Variants in RRM1 observed in about 807,000 individuals in gnomAD.
The protein encoded by RRM1 is ribonucleotide reductase catalytic subunit M1, also known as ribonucleoside-diphosphate reductase large subunit.
Under a neutral mutation model 101.5 loss-of-function variants are expected in RRM1, and 19 were observed. The ratio of observed to expected loss-of-function variants is 0.19; its 90% confidence interval spans 0.13 to 0.27. RRM1 has a LOEUF of 0.27. Ranked by LOEUF, RRM1 falls within the 10% of genes least tolerant of loss-of-function variation. The pLI, the probability that RRM1 is intolerant of heterozygous loss-of-function variation, is 1.00. For synonymous variants in RRM1, 298 were observed against 323.4 expected (o/e 0.92, Z 0.84); for missense variants, 500 against 962.9 (o/e 0.52, Z 6.36).
At chr11:4,099,295 A>ATTTTTTTTTATT (rs2094547604) in intron 1 of RRM1, 1 of 76,974 alleles carries the variant, frequency 1.3e-5, no homozygotes, top group African/African-American at 5.8e-5. Context: ...TACCCAGCTA[A>ATTTTTTTTTATT]TTTTTTTTTT....
chr11:4,098,445 A>C (rs1256119733), intron 1 of RRM1, among the ~76,000 whole-genome samples: 1 of 39,624 alleles, frequency 2.5e-5, no homozygotes, highest in African/African-American at 5.4e-5. Flanking sequence ...TTCCTATTCC[A>C]TTCACAGCCT....
At chr11:4,133,375 A>G (rs2094603599) in intron 16 of RRM1, among the ~76,000 whole-genome samples, 188 bp from the exon 17 acceptor site, 1 of 152,158 alleles carries the variant, frequency 6.6e-6, no homozygotes, top group South Asian at 2.1e-4. Context: ...AACAGATGTC[A>G]AGATCTTAAA....
chr11:4,124,527 C>T (rs906174337), intron 12 of RRM1, among the ~76,000 whole-genome samples: 2 of 152,114 alleles, frequency 1.3e-5, no homozygotes, highest in Non-Finnish European at 2.9e-5. Context: ...ATATGCTGCC[C>T]TCTGGAAACT....
chr11:4,105,148 G>A (rs2094556585), intron 2 of RRM1, among the ~76,000 whole-genome samples: 1 of 152,058 alleles, frequency 6.6e-6, no homozygotes, highest in Non-Finnish European at 1.5e-5. Flanking sequence ...TTTTCTGATA[G>A]TTCTGCTGGA....
At position 4,132,184 on chromosome 11, in the gene RRM1, A is replaced by G. The variant is rs951478110; in HGVS notation, c.1770-102A>G. 8 of 1,171,586 alleles carry G rather than the reference A, an allele frequency of 6.8e-6. No individual in the cohort carries two copies. The Admixed American group carries it at 1.5e-4, about 23-fold the overall frequency. The allele number at this position is 1,171,586 out of a possible 1,614,324, so 72.6% of individuals were successfully genotyped here. On this transcript the variant is annotated intron_variant, in intron 15 of 18. Transcript: ENST00000300738. The surrounding 1 kb of genome is among the most constrained non-coding windows in gnomAD (Gnocchi z 4.1). ...AATGCATGTACGATGTTACATTTAC[A>G]TTTACTACATTTATCTACATTTACT...
rs369843383 is a variant in RRM1, at chr11:4,110,519, G to T, written c.447+816G>T. Among the ~76,000 whole-genome samples the T allele has an allele frequency of 1.6e-4, 24 of 152,236 alleles. No individual in the cohort carries two copies. The South Asian group carries it at 3.3e-3, about 21-fold the overall frequency. On this transcript the variant is annotated intron_variant, in intron 5 of 18. Coordinates refer to ENST00000300738, the MANE Select transcript of RRM1 (RefSeq NM_001033.5). Reference sequence around the variant, plus strand: ...ATGGTGGCTTACGCCTGTAATCCCAGCACTTTAGGAAGCCGAGGCGGGCTG... The same window carrying T: ...ATGGTGGCTTACGCCTGTAATCCCATCACTTTAGGAAGCCGAGGCGGGCTG...
chr11:4,107,291 T>C (rs2094559611), intron 3 of RRM1, 144 bp from the exon 4 acceptor site: 1 of 601,588 alleles, frequency 1.7e-6, no homozygotes, highest in South Asian at 2.1e-5. Flanking sequence ...ATATATGTGT[T>C]TATTGAGCAC....
intron 7 of RRM1, among the ~76,000 whole-genome samples, chr11:4,117,252 G>A (rs139062014): frequency 5.1e-4 from 78 of 152,282 alleles, no homozygotes; most frequent in African/African-American, 1.8e-3. Context: ...AAAGTGAAAC[G>A]TGTATATCTT....
intron 5 of RRM1, 24 bp from the exon 6 acceptor site, chr11:4,111,577 T>A: frequency 2.5e-6 from 4 of 1,580,424 alleles, no homozygotes; most frequent in Non-Finnish European, 3.4e-6. Flanking sequence ...CTCTGAAAAT[T>A]TTTTGTTGTT....
chr11:4,126,124 T>C (rs2094589064), intron 12 of RRM1, among the ~76,000 whole-genome samples: 1 of 152,184 alleles, frequency 6.6e-6, no homozygotes, highest in South Asian at 2.1e-4. Context: ...GAAGAGCTTT[T>C]TCAGAAATCA....
At position 4,132,347 on chromosome 11, in the gene RRM1, C is replaced by G; in HGVS notation, c.1831C>G (p.Leu611Val). 1 of 1,614,050 alleles carries G rather than the reference C, an allele frequency of 6.2e-7. No individual in the cohort carries two copies. The highest frequency in any genetic ancestry group is 8.5e-7 in the Non-Finnish European group (1 of 1,179,964). The stretch of plus-strand genomic sequence containing the variant: ...GCCTACAGCTTCCACTGCTCAGATC[C>G]TGGGGAATAATGAGTCCATTGAACC... ...PMPTASTAQI[L>V]GNNESIEPYT... The change falls in exon 16 of 19, where the codon CTG becomes GTG. Residue 611 changes from leucine to valine, a missense_variant. Physicochemically the swap from Leu to Val is conservative, Grantham distance 32. This residue lies in a region of RRM1 where 79 missense variants were observed against 176.4 expected (regional missense o/e 0.45). Transcript: ENST00000300738. This position sits in a 1 kb window ranked among gnomAD's most constrained non-coding sequence, Gnocchi z 4.1.
intron 18 of RRM1, among the ~76,000 whole-genome samples, chr11:4,135,621 T>C (rs10742242): frequency 0.4 from 61,069 of 151,840 alleles, 12,747 homozygotes; most frequent in African/African-American, 0.52. Context: ...ACTGACCTTA[T>C]TGCTTCTAGG....
chr11:4,108,546 C>T (rs1471131130), intron 4 of RRM1, among the ~76,000 whole-genome samples: 4 of 130,944 alleles, frequency 3.1e-5, no homozygotes, highest in African/African-American at 8.5e-5. Context: ...TGCAGTGAGC[C>T]GAGATTGGGC....
At chr11:4,118,234 T>TTG in intron 7 of RRM1, 86 bp from the exon 8 acceptor site, 1 of 1,133,758 alleles carries the variant, frequency 8.8e-7, no homozygotes. Flanking sequence ...TTTTTTTTTT[T>TTG]GCCTTAGTGT....
At position 4,121,588 on chromosome 11, in the gene RRM1, A is replaced by G. The variant is rs747753014; in HGVS notation, c.877-16A>G. The G allele has an allele frequency of 1.3e-6, 2 of 1,587,144 alleles. No individual in the cohort carries two copies. The highest frequency in any genetic ancestry group is 4.5e-5 in the East Asian group (2 of 44,558). The stretch of plus-strand genomic sequence containing the variant: ...CATTTTTATTCTGAAGAGAATTATG[A>G]TTTATTTACCACTAGCGTCCTGGGG... On this transcript the variant is annotated splice_polypyrimidine_tract_variant and intron_variant, in intron 9 of 18. Transcript: ENST00000300738.
chr11:4,127,336 A>G lies in RRM1; in HGVS notation c.1692+80A>G, dbSNP rs1326414606. 6.2e-6 allele frequency: 5 copies of G among 800,612 alleles called. No homozygotes were observed. The Admixed American group carries it at 1.2e-4, about 20-fold the overall frequency. 49.6% of individuals were successfully genotyped at this position (800,612 alleles called of 1,614,324 possible). A position where few individuals can be genotyped will look rare whatever the true frequency, so the allele number is the denominator to read the frequency against. On this transcript the variant is annotated intron_variant, in intron 14 of 18. Transcript: ENST00000300738. ...GGTGACCCCACAAAAGGATATGTCC[A>G]CATCCTAATTCCTGGAACCTGTGAA...
At chr11:4,094,750 C>A (rs1590706358), upstream of RRM1, 3 of 572,998 alleles carry the variant, frequency 5.2e-6, no homozygotes, top group East Asian at 5.7e-5. Flanking sequence ...GAAGCCTACC[C>A]CGGGCGTGGG....
intron 12 of RRM1, among the ~76,000 whole-genome samples, chr11:4,125,819 G>T (rs867921281): frequency 6.6e-6 from 1 of 152,010 alleles, no homozygotes; most frequent in Non-Finnish European, 1.5e-5. Context: ...GCATTTATTA[G>T]ACTTCTGTGA....
At chr11:4,131,218 C>G (rs375631705) in intron 15 of RRM1, among the ~76,000 whole-genome samples, 1 of 152,112 alleles carries the variant, frequency 6.6e-6, no homozygotes, top group African/African-American at 2.4e-5. Flanking sequence ...GAGAAAAGCC[C>G]CTTATAAAAC....
Sources: allele counts gnomAD v4.1 joint callset (sites outside exome capture counted in the v4.1 genomes callset), GRCh38; gene constraint gnomAD v4.1.1; regional missense constraint gnomAD v4.1.1; non-coding constraint Gnocchi (gnomAD v3.1); transcripts MANE v1.5; gene names NCBI Gene and HGNC (gene_info 2026-07-23, HGNC 2026-07-21).